The following NXPE2 variants were observed in gnomAD, a reference collection of about 807,000 sequenced individuals.
NXPE2 encodes NXPE family member 2.
Under a neutral mutation model 34.4 loss-of-function variants are expected in NXPE2, and 34 were observed. The ratio of observed to expected loss-of-function variants is 0.99; its 90% CI spans 0.75 to 1.31. The LOEUF (loss-of-function observed/expected upper bound fraction) is 1.31, where lower values mean the gene tolerates loss of function less well. Among genes scored for constraint, NXPE2 ranks in the 40% most tolerant of loss-of-function variants. NXPE2 has a pLI of 0.00. For synonymous variants in NXPE2, 235 were observed against 231.3 expected (o/e 1.02, Z -0.15); for missense variants, 649 against 672.5 (o/e 0.97, Z 0.39).
At chr11:114,593,635 A>G in the NXPE2 span, among the ~76,000 whole-genome samples, 3 of 152,086 alleles carry the variant, frequency 2.0e-5, no homozygotes, top group Admixed American at 2.0e-4. Context: ...AAAAACTAAA[A>G]ATAGGCTACC....
the NXPE2 span, among the ~76,000 whole-genome samples, chr11:114,469,190 C>A: frequency 7.3e-6 from 1 of 137,474 alleles, no homozygotes; most frequent in Non-Finnish European, 1.5e-5. Flanking sequence ...TGACTCACTG[C>A]AAGCTCCGCC....
chr11:114,603,665 C>T, the NXPE2 span, among the ~76,000 whole-genome samples: 2 of 151,464 alleles, frequency 1.3e-5, no homozygotes, highest in Non-Finnish European at 2.9e-5. Flanking sequence ...AGTATTGCCT[C>T]GTCTCTTGGG....
the NXPE2 span, chr11:114,552,911 G>A: frequency 2.2e-6 from 2 of 926,536 alleles, no homozygotes; most frequent in African/African-American, 1.8e-5. Context: ...CAAAATTAAT[G>A]AAATAAACAT....
At chr11:114,533,920 C>T in the NXPE2 span, among the ~76,000 whole-genome samples, 1 of 152,230 alleles carries the variant, frequency 6.6e-6, no homozygotes, top group Non-Finnish European at 1.5e-5. Flanking sequence ...CCCTGTCTGA[C>T]AGCTTTGAAG....
the NXPE2 span, among the ~76,000 whole-genome samples, chr11:114,469,351 G>A: frequency 6.6e-5 from 10 of 151,294 alleles, no homozygotes; most frequent in East Asian, 1.2e-3. Context: ...TTGACCTTGC[G>A]ATCCGCCTGC....
At chr11:114,797,295 C>T in the NXPE2 span, among the ~76,000 whole-genome samples, 1 of 152,182 alleles carries the variant, frequency 6.6e-6, no homozygotes, top group Non-Finnish European at 1.5e-5. Context: ...TTGAAATAAA[C>T]TGACATGAAA....
chr11:114,769,686 C>A, the NXPE2 span, among the ~76,000 whole-genome samples: 11 of 152,112 alleles, frequency 7.2e-5, no homozygotes, highest in Non-Finnish European at 1.6e-4. Context: ...CTGTGGAAAC[C>A]ATCATTCTCA....
the NXPE2 span, among the ~76,000 whole-genome samples, chr11:114,748,669 C>A: frequency 3.3e-5 from 5 of 152,236 alleles, no homozygotes; most frequent in East Asian, 1.9e-4. Context: ...ATCCTGTGTT[C>A]TTCTTGTCAC....
At chr11:114,535,725 G>C in the NXPE2 span, among the ~76,000 whole-genome samples, 4 of 152,252 alleles carry the variant, frequency 2.6e-5, no homozygotes, top group South Asian at 8.3e-4. Flanking sequence ...TCAACAAGAA[G>C]AACTAGCTAT....
chr11:114,587,344 C>T, the NXPE2 span, among the ~76,000 whole-genome samples: 1 of 152,172 alleles, frequency 6.6e-6, no homozygotes, highest in Non-Finnish European at 1.5e-5. Context: ...CGGAAGTTAA[C>T]CAGAGCCACT....
chr11:114,582,946 G>A, the NXPE2 span: 9 of 1,614,038 alleles, frequency 5.6e-6, no homozygotes, highest in Non-Finnish European at 7.6e-6. Flanking sequence ...GATATCAGTG[G>A]TGTTTTAGGG....
the NXPE2 span, among the ~76,000 whole-genome samples, chr11:114,494,222 A>G: frequency 6.6e-6 from 1 of 151,996 alleles, no homozygotes; most frequent in South Asian, 2.1e-4. Flanking sequence ...TCCTTTTTGT[A>G]CTTGAATATT....
chr11:114,617,870 G>T, the NXPE2 span, among the ~76,000 whole-genome samples: 2 of 152,064 alleles, frequency 1.3e-5, no homozygotes, highest in Non-Finnish European at 2.9e-5. Context: ...TGCCTCATGG[G>T]TAACCACTCT....
chr11:114,538,449 A>G, the NXPE2 span, among the ~76,000 whole-genome samples: 34,335 of 152,010 alleles, frequency 0.23, 5,442 homozygotes, highest in African/African-American at 0.44. Context: ...TAAACTAAAG[A>G]GCTTCTGCAC....
chr11:114,605,220 G>T, the NXPE2 span, among the ~76,000 whole-genome samples: 4 of 151,890 alleles, frequency 2.6e-5, no homozygotes, highest in Admixed American at 2.6e-4. Flanking sequence ...TTGCCTCGTG[G>T]GTAACTGCTG....
the NXPE2 span, among the ~76,000 whole-genome samples, chr11:114,542,799 C>T: frequency 6.6e-6 from 1 of 151,874 alleles, no homozygotes; most frequent in African/African-American, 2.4e-5. Flanking sequence ...ATCATTAGAA[C>T]AAAAATATAA....
At chr11:114,594,746 A>G in the NXPE2 span, 2 of 1,552,908 alleles carry the variant, frequency 1.3e-6, no homozygotes, top group Non-Finnish European at 1.8e-6. Context: ...ATAATTTATC[A>G]TACTTATTTT....
chr11:114,687,652 C>G (rs541251557), intron 2 of NXPE2, among the ~76,000 whole-genome samples: 11 of 151,106 alleles, frequency 7.3e-5, no homozygotes, highest in Non-Finnish European at 1.5e-4. Flanking sequence ...TTTGGGAATA[C>G]TGATGTTGGA....
the NXPE2 span, among the ~76,000 whole-genome samples, chr11:114,589,325 A>G: frequency 1.5e-4 from 23 of 152,050 alleles, no homozygotes; most frequent in African/African-American, 5.1e-4. Flanking sequence ...GGCCCAGGTA[A>G]TTCTGGAAAC....
Sources: allele counts gnomAD v4.1 joint callset (sites outside exome capture counted in the v4.1 genomes callset), GRCh38; gene constraint gnomAD v4.1.1; transcripts MANE v1.5; gene names NCBI Gene and HGNC (gene_info 2026-07-23, HGNC 2026-07-21).